LRRTM4: variants seen among roughly 807,000 people sequenced by gnomAD.
The protein encoded by LRRTM4 is leucine rich repeat transmembrane neuronal 4, also known as leucine-rich repeat transmembrane neuronal protein 4.
Under a neutral mutation model 47.6 loss-of-function variants are expected in LRRTM4, and 25 were observed. The ratio of observed to expected loss-of-function variants is 0.53; its 90% CI spans 0.38 to 0.73. The LOEUF (loss-of-function observed/expected upper bound fraction) is 0.73, where lower values mean the gene tolerates loss of function less well. LRRTM4 is among the 30% of genes least tolerant of loss of function. LRRTM4 has a pLI of 0.00. For synonymous variants in LRRTM4, 311 were observed against 269.5 expected (o/e 1.15, Z -1.51); for missense variants, 638 against 713.4 (o/e 0.89, Z 1.20).
chr2:77,495,212 C>G (rs1678315532), intron 3 of LRRTM4, among the ~76,000 whole-genome samples: 1 of 152,018 alleles, frequency 6.6e-6, no homozygotes, highest in African/African-American at 2.4e-5. Context: ...CTTTAATCAA[C>G]TGCCAAATGG....
intron 3 of LRRTM4, among the ~76,000 whole-genome samples, chr2:77,440,256 T>C (rs1476316828): frequency 1.3e-5 from 2 of 151,714 alleles, no homozygotes; most frequent in Non-Finnish European, 2.9e-5. Flanking sequence ...CTACTAAAAA[T>C]ACAAAAAATT....
chr2:76,779,145 T>C (rs959850134), intron 3 of LRRTM4, among the ~76,000 whole-genome samples: 2 of 151,946 alleles, frequency 1.3e-5, no homozygotes, highest in African/African-American at 4.8e-5. Context: ...ATAATTTCTG[T>C]TCTTTTACAT....
chr2:77,208,424 G>T (rs1407031560), intron 3 of LRRTM4, among the ~76,000 whole-genome samples: 1 of 152,116 alleles, frequency 6.6e-6, no homozygotes, highest in Non-Finnish European at 1.5e-5. Context: ...TATACAAGAA[G>T]GCAGACAGGA....
At chr2:77,045,559 C>T (rs1041710078) in intron 3 of LRRTM4, among the ~76,000 whole-genome samples, 2 of 151,858 alleles carry the variant, frequency 1.3e-5, no homozygotes, top group African/African-American at 4.8e-5. Context: ...GTAATTGAAT[C>T]GTGAGGGCAG....
At chr2:77,464,835 G>A (rs1173861377) in intron 3 of LRRTM4, among the ~76,000 whole-genome samples, 1 of 152,100 alleles carries the variant, frequency 6.6e-6, no homozygotes, top group African/African-American at 2.4e-5. Context: ...GAACCTCTGG[G>A]TTGGGCAATA....
At chr2:77,379,399 A>C (rs1672963943) in intron 3 of LRRTM4, among the ~76,000 whole-genome samples, 1 of 152,154 alleles carries the variant, frequency 6.6e-6, no homozygotes, top group Non-Finnish European at 1.5e-5. Flanking sequence ...CAAAGAAAAT[A>C]TACAACTACA....
chr2:77,030,784 A>C (rs1296174029), intron 3 of LRRTM4, among the ~76,000 whole-genome samples: 1 of 152,210 alleles, frequency 6.6e-6, no homozygotes, highest in African/African-American at 2.4e-5. Context: ...ACTATTGGCA[A>C]TCTTTAAAGT....
At chr2:77,279,872 A>G (rs888118913) in intron 3 of LRRTM4, among the ~76,000 whole-genome samples, 1 of 151,942 alleles carries the variant, frequency 6.6e-6, no homozygotes, top group African/African-American at 2.4e-5. Flanking sequence ...TGGTTATGAG[A>G]GGAAAAAAAC....
intron 3 of LRRTM4, among the ~76,000 whole-genome samples, chr2:76,905,997 G>A (rs1015875091): frequency 3.9e-4 from 60 of 152,016 alleles, no homozygotes; most frequent in African/African-American, 1.1e-3. Flanking sequence ...TACAGAGAAC[G>A]CCACAAAGAT....
chr2:77,232,073 T>C (rs1160618440), intron 3 of LRRTM4, among the ~76,000 whole-genome samples: 1 of 152,216 alleles, frequency 6.6e-6, no homozygotes, highest in Non-Finnish European at 1.5e-5. Flanking sequence ...TCTCTTTGTT[T>C]TCCACATCAA....
At chr2:77,294,243 A>T (rs958105287) in intron 3 of LRRTM4, among the ~76,000 whole-genome samples, 1 of 151,614 alleles carries the variant, frequency 6.6e-6, no homozygotes, top group African/African-American at 2.4e-5. Context: ...TTCGATCAAT[A>T]GTGACTTTTT....
chr2:77,234,029 C>T (rs565806288), intron 3 of LRRTM4, among the ~76,000 whole-genome samples: 108 of 152,130 alleles, frequency 7.1e-4, no homozygotes, highest in African/African-American at 2.4e-3. Context: ...GTGATCCACC[C>T]GCCTCGGCCT....
intron 3 of LRRTM4, among the ~76,000 whole-genome samples, chr2:77,474,157 A>G (rs947098824): frequency 2.0e-5 from 3 of 152,162 alleles, no homozygotes; most frequent in Admixed American, 1.3e-4. Context: ...AAATCAAAAG[A>G]AAATTACTTT....
At chr2:77,035,929 G>A (rs1038162228) in intron 3 of LRRTM4, among the ~76,000 whole-genome samples, 1 of 151,756 alleles carries the variant, frequency 6.6e-6, no homozygotes, top group African/African-American at 2.4e-5. Flanking sequence ...GCAGCCTAAT[G>A]GTTTTCAGAT....
intron 3 of LRRTM4, among the ~76,000 whole-genome samples, chr2:77,201,388 A>T (rs1378722980): frequency 6.6e-6 from 1 of 152,150 alleles, no homozygotes; most frequent in Non-Finnish European, 1.5e-5. Context: ...AACTTTGGTT[A>T]TATGATGTTT....
chr2:76,939,055 A>C (rs1675047721), intron 3 of LRRTM4, among the ~76,000 whole-genome samples: 1 of 152,120 alleles, frequency 6.6e-6, no homozygotes, highest in Non-Finnish European at 1.5e-5. Flanking sequence ...CACACATTCT[A>C]CTTTCTAGAT....
At chr2:77,148,552 C>T (rs1672335084) in intron 3 of LRRTM4, among the ~76,000 whole-genome samples, 1 of 151,976 alleles carries the variant, frequency 6.6e-6, no homozygotes, top group Non-Finnish European at 1.5e-5. Context: ...TGAAGCCAAC[C>T]CTTAACTTGT....
At chr2:77,362,166 A>AAGGAAGGAAGGAAGG (rs1558707453) in intron 3 of LRRTM4, among the ~76,000 whole-genome samples, 4 of 110,374 alleles carry the variant, frequency 3.6e-5, no homozygotes, top group Non-Finnish European at 5.2e-5. Flanking sequence ...AGAAAGAAAG[A>AAGGAAGGAAGGAAGG]AAGAAAGGAA....
chr2:77,461,518 C>G (rs1051385921), intron 3 of LRRTM4, among the ~76,000 whole-genome samples: 2 of 152,038 alleles, frequency 1.3e-5, no homozygotes, highest in Non-Finnish European at 2.9e-5. Context: ...CTCTAATTAC[C>G]TCCATGGAAT....
Sources: allele counts gnomAD v4.1 joint callset (sites outside exome capture counted in the v4.1 genomes callset), GRCh38; gene constraint gnomAD v4.1.1; transcripts MANE v1.5; gene names NCBI Gene and HGNC (gene_info 2026-07-23, HGNC 2026-07-21).